The following DRC8 variants were observed in gnomAD, a reference collection of about 807,000 sequenced individuals.
DRC8 encodes dynein regulatory complex protein 8.
the DRC8 span, among the ~76,000 whole-genome samples, chr1:245,031,764 G>C: frequency 6.6e-6 from 1 of 152,132 alleles, no homozygotes; most frequent in African/African-American, 2.4e-5. Flanking sequence ...GTCCCAGGCG[G>C]AAGTTGGTTA....
chr1:245,081,097 GTTCT>G, the DRC8 span, among the ~76,000 whole-genome samples: 1 of 151,026 alleles, frequency 6.6e-6, no homozygotes, highest in African/African-American at 2.4e-5. Context: ...TCTAAGAAGT[GTTCT>G]TTATTTTTTT....
chr1:245,030,017 G>A, the DRC8 span, among the ~76,000 whole-genome samples: 1 of 152,194 alleles, frequency 6.6e-6, no homozygotes, highest in African/African-American at 2.4e-5. Flanking sequence ...AGGCCTCTGG[G>A]TGTGTACCCT....
chr1:244,999,058 CAAAAAAAAAA>C, the DRC8 span, among the ~76,000 whole-genome samples: 4 of 83,684 alleles, frequency 4.8e-5, no homozygotes, highest in South Asian at 4.9e-4. Context: ...GATCCTGGGT[CAAAAAAAAAA>C]AAAAAAAAAA....
the DRC8 span, among the ~76,000 whole-genome samples, chr1:244,993,242 C>T: frequency 2.6e-5 from 4 of 152,180 alleles, no homozygotes; most frequent in Non-Finnish European, 4.4e-5. Context: ...TGAGGGTCAT[C>T]GGGAACCATC....
At chr1:245,008,863 G>A in the DRC8 span, among the ~76,000 whole-genome samples, 8 of 151,220 alleles carry the variant, frequency 5.3e-5, 1 homozygote, top group South Asian at 1.0e-3. Context: ...TTGTGTGTGT[G>A]TGTATGTAGA....
chr1:244,976,035 G>C, the DRC8 span, among the ~76,000 whole-genome samples: 1 of 151,650 alleles, frequency 6.6e-6, no homozygotes, highest in Admixed American at 6.6e-5. Flanking sequence ...TTGGGAGGCC[G>C]AGGTGGGGAG....
chr1:244,972,815 CAA>C, the DRC8 span, among the ~76,000 whole-genome samples: 3 of 93,418 alleles, frequency 3.2e-5, no homozygotes, highest in Non-Finnish European at 4.5e-5. Context: ...GACTCCGTCT[CAA>C]AAAAAAAAAA....
the DRC8 span, among the ~76,000 whole-genome samples, chr1:245,054,816 C>T: frequency 6.6e-6 from 1 of 152,184 alleles, no homozygotes; most frequent in South Asian, 2.1e-4. Flanking sequence ...GATTTTACCC[C>T]ACTTGTAAGC....
At chr1:245,040,607 G>A in the DRC8 span, among the ~76,000 whole-genome samples, 2 of 152,160 alleles carry the variant, frequency 1.3e-5, no homozygotes, top group Non-Finnish European at 2.9e-5. Flanking sequence ...TGAAAGTACT[G>A]TTTAAGTGAA....
the DRC8 span, among the ~76,000 whole-genome samples, chr1:244,976,997 G>C: frequency 0.013 from 1,984 of 152,358 alleles, 92 homozygotes; most frequent in East Asian, 0.14. Flanking sequence ...CCGCTTGAAT[G>C]AACCTGAAAG....
At chr1:245,099,917 A>G in the DRC8 span, among the ~76,000 whole-genome samples, 1 of 152,114 alleles carries the variant, frequency 6.6e-6, no homozygotes, top group Admixed American at 6.5e-5. Flanking sequence ...CCGGCCATCA[A>G]CTCGAGGCCA....
the DRC8 span, among the ~76,000 whole-genome samples, chr1:245,099,921 G>C: frequency 1.3e-5 from 2 of 152,090 alleles, no homozygotes; most frequent in Non-Finnish European, 2.9e-5. Context: ...CCATCAACTC[G>C]AGGCCAATCC....
the DRC8 span, among the ~76,000 whole-genome samples, chr1:245,104,373 G>A: frequency 1.4e-4 from 22 of 151,946 alleles, no homozygotes; most frequent in Admixed American, 1.2e-3. Flanking sequence ...GTGTGGTGGC[G>A]CATGCCTGTA....
the DRC8 span, among the ~76,000 whole-genome samples, chr1:244,978,849 AT>A: frequency 2.0e-5 from 3 of 152,112 alleles, no homozygotes; most frequent in Non-Finnish European, 4.4e-5. Context: ...CTGGACTAGA[AT>A]TTGGACATTG....
the DRC8 span, among the ~76,000 whole-genome samples, chr1:245,070,286 C>T: frequency 6.6e-6 from 1 of 152,022 alleles, no homozygotes; most frequent in African/African-American, 2.4e-5. Context: ...ATGGCAATGA[C>T]CATATTAATA....
the DRC8 span, among the ~76,000 whole-genome samples, chr1:245,015,506 C>T: frequency 2.0e-5 from 3 of 152,038 alleles, no homozygotes; most frequent in South Asian, 2.1e-4. Context: ...GTTAGGAGAT[C>T]GAGACCATCC....
chr1:245,098,614 A>G, the DRC8 span, among the ~76,000 whole-genome samples: 10 of 152,086 alleles, frequency 6.6e-5, no homozygotes, highest in African/African-American at 2.4e-4. Context: ...AGACTAGAAA[A>G]TTCTAGTGTA....
chr1:244,999,699 A>C, the DRC8 span, among the ~76,000 whole-genome samples: 1 of 152,320 alleles, frequency 6.6e-6, no homozygotes, highest in South Asian at 2.1e-4. Flanking sequence ...ATCCATGGGG[A>C]ATACTACACC....
chr1:245,100,150 C>T, the DRC8 span, among the ~76,000 whole-genome samples: 1,006 of 151,908 alleles, frequency 6.6e-3, 7 homozygotes, highest in African/African-American at 0.023. Context: ...TTTGGGAGGC[C>T]GAGGCGGGTG....
Sources: gnomAD v4.1 joint callset for allele counts (sites outside exome capture counted in the v4.1 genomes callset) on GRCh38, gnomAD v4.1.1 for gene constraint, MANE v1.5 for transcripts, NCBI Gene and HGNC (gene_info 2026-07-23, HGNC 2026-07-21) for gene names.